The following SPTB variants were observed in gnomAD, a reference collection of about 807,000 sequenced individuals.
SPTB encodes spectrin beta, erythrocytic, also known as spectrin beta chain, erythrocytic.
A neutral mutation model predicts 256.2 loss-of-function variants in SPTB; 45 were observed. The ratio of observed to expected loss-of-function variants is 0.18; its 90% CI spans 0.14 to 0.23. SPTB has a LOEUF of 0.23. SPTB is among the 10% of genes least tolerant of loss of function. The pLI is 1.00. For synonymous variants in SPTB, 1,231 were observed against 1,243.1 expected (o/e 0.99, Z 0.21); for missense variants, 2,715 against 3,040.4 (o/e 0.89, Z 2.52).
At chr14:64,800,025 T>C in intron 8 of SPTB, 91 bp from the exon 9 acceptor site, 3 of 1,489,246 alleles carry the variant, frequency 2.0e-6, no homozygotes, top group Non-Finnish European at 2.8e-6. Flanking sequence ...TGCCACGAAA[T>C]GGGGCTCCCA....
intron 1 of SPTB, among the ~76,000 whole-genome samples, chr14:64,878,240 A>G (rs547637686): frequency 2.0e-4 from 30 of 152,238 alleles, no homozygotes; most frequent in South Asian, 6.2e-4. Flanking sequence ...TAAATGACCC[A>G]CCTCTGGAGT....
intron 1 of SPTB, among the ~76,000 whole-genome samples, chr14:64,849,037 T>C (rs1048591234): frequency 2.0e-5 from 3 of 152,200 alleles, no homozygotes; most frequent in Non-Finnish European, 2.9e-5. Flanking sequence ...TGAAAGAAGA[T>C]TTTTTTAAAT....
chr14:64,836,203 C>G (rs2083519420), intron 1 of SPTB, among the ~76,000 whole-genome samples: 1 of 152,186 alleles, frequency 6.6e-6, no homozygotes, highest in African/African-American at 2.4e-5. Context: ...GTGGAAGGAA[C>G]CAAATGTCCT....
At chr14:64,879,257 CG>C (rs1175839993) in intron 1 of SPTB, among the ~76,000 whole-genome samples, 1 of 152,226 alleles carries the variant, frequency 6.6e-6, no homozygotes, top group Non-Finnish European at 1.5e-5. Context: ...CCCGGAGGCC[CG>C]GCCCCCTCTG....
In SPTB at chr14:64,794,516, G is replaced by A. The variant is rs766762166; in HGVS notation, c.1746C>T (p.Asp582=). Residue 582 remains aspartate (D), a synonymous_variant, in exon 13 of 36, where the codon GAC becomes GAT. Transcript: ENST00000644917. The stretch of plus-strand genomic sequence containing the variant: ...TGGCTGCGGTGATGGCCTTCACTTT[G>A]TCCCCTTGGATGGCGATGTCAGCTT... ...LMEADIAIQG[D]KVKAITAATL... The A allele has an allele frequency of 9.9e-6, 16 of 1,614,060 alleles. No homozygotes were observed. Among genetic ancestry groups the A allele is most frequent in the Admixed American group, 5.0e-5 (3 of 60,012 alleles).
rs2082407821 is a variant in SPTB at position 64,778,714 on chromosome 14, C to T, written c.4563+443G>A. Among the ~76,000 whole-genome samples, 1 of 152,162 alleles carries T rather than the reference C, an allele frequency of 6.6e-6. No individual in the cohort carries two copies. The highest frequency in any genetic ancestry group is 2.4e-5 in the African/African-American group (1 of 41,434). On this transcript the variant is annotated intron_variant, in intron 22 of 35. Coordinates refer to ENST00000644917, the MANE Select transcript of SPTB (RefSeq NM_001355436.2). The surrounding 1 kb of genome is among the most constrained non-coding windows in gnomAD (Gnocchi z 5.2). ...CCTCATATGTCGAGAGAAATGGGGCCTACTTACCCCAAGGACACCACACAT... is the reference window on the plus strand; with the variant it reads ...CCTCATATGTCGAGAGAAATGGGGCTTACTTACCCCAAGGACACCACACAT...
At position 64,841,826 on chromosome 14, in the gene SPTB, G is replaced by A. The variant is rs1041640882; in HGVS notation, c.-51-18681C>T. 1.3e-5 allele frequency among the ~76,000 whole-genome samples: 2 copies of A among 152,162 alleles called. No individual in the cohort carries two copies. Among genetic ancestry groups the A allele is most frequent in the African/African-American group, 4.8e-5 (2 of 41,414 alleles). ...CAAAAGAAGGGAAACCCCCGCGTAT[G>A]GAACCAGAAGAGGGTTTCTTGCAGA... On this transcript the variant is annotated intron_variant, in intron 1 of 35. Coordinates refer to ENST00000644917, the MANE Select transcript of SPTB (RefSeq NM_001355436.2). This position sits in a 1 kb window ranked among gnomAD's most constrained non-coding sequence, Gnocchi z 4.6.
At chr14:64,803,001 G>A (rs1476050974) in intron 4 of SPTB, among the ~76,000 whole-genome samples, 1 of 152,114 alleles carries the variant, frequency 6.6e-6, no homozygotes, top group Non-Finnish European at 1.5e-5. Context: ...TCAATGTTAT[G>A]CACCCATGGA....
At chr14:64,867,164 C>G (rs1429912853) in intron 1 of SPTB, among the ~76,000 whole-genome samples, 1 of 152,180 alleles carries the variant, frequency 6.6e-6, no homozygotes, top group African/African-American at 2.4e-5. Flanking sequence ...TAAAGCAATC[C>G]TCTTCCCTCC....
rs779282753 is a variant in SPTB, at chr14:64,786,468, T to C, written c.3497A>G (p.Gln1166Arg). ...CTGGAACTCCTGGAAGCCAAGGCAC[T>C]GAGCGAGGGTGTGGCTGCGGCTCTC... ...MWESRSHTLA[Q>R]CLGFQEFQKD... The change falls in exon 16 of 36, where the codon CAG (glutamine) becomes CGG (arginine). Residue 1166 changes from glutamine (Q) to arginine (R), a missense_variant. This residue lies in a region of SPTB where 2,239 missense variants were observed against 2,384.4 expected (regional missense o/e 0.94). Coordinates refer to ENST00000644917, the MANE Select transcript of SPTB (RefSeq NM_001355436.2). This position sits in a 1 kb window ranked among gnomAD's most constrained non-coding sequence, Gnocchi z 5.6. 19 of 1,614,052 alleles carry C rather than the reference T, an allele frequency of 1.2e-5. No homozygotes were observed. Among genetic ancestry groups the C allele is most frequent in the African/African-American group, 2.7e-5 (2 of 74,946 alleles).
At chr14:64,755,211 A>G (rs1449644138) in intron 32 of SPTB, 1 of 152,296 alleles carries the variant, frequency 6.6e-6, no homozygotes, top group African/African-American at 2.4e-5. Flanking sequence ...CCTTTAGACT[A>G]TGGGGCAAAC....
chr14:64,870,586 G>A (rs901059243), intron 1 of SPTB, among the ~76,000 whole-genome samples: 2 of 152,264 alleles, frequency 1.3e-5, no homozygotes, highest in South Asian at 2.1e-4. Context: ...CTTTGATGAC[G>A]AACTATCACC....
At chr14:64,813,677 C>T (rs562140327) in intron 2 of SPTB, among the ~76,000 whole-genome samples, 29 of 152,334 alleles carry the variant, frequency 1.9e-4, no homozygotes, top group African/African-American at 6.5e-4. Flanking sequence ...CAAGCGCCAC[C>T]ACGCCCAGCT....
At chr14:64,765,931 T>TATGTGTGTGGGTGTGAGTGTGTGG (rs2082169270) in intron 32 of SPTB, among the ~76,000 whole-genome samples, 1 of 145,678 alleles carries the variant, frequency 6.9e-6, no homozygotes, top group Non-Finnish European at 1.5e-5. Flanking sequence ...TATGAGTGTG[T>TATGTGTGTGGGTGTGAGTGTGTGG]ATGTGTGTGG....
Position 64,779,356 on chromosome 14 carries a change from C to T in SPTB, c.4474-110G>A, listed in dbSNP as rs2082422923. ...TGCTGGCAGTGTCTCCCCAGTTCCT[C>T]CCAACACCCCATCAGGGTTTTGCCC... is the stretch of plus-strand genomic sequence containing the variant. On this transcript the variant is annotated intron_variant, in intron 21 of 35. Transcript: ENST00000644917. This position sits in a 1 kb window ranked among gnomAD's most constrained non-coding sequence, Gnocchi z 4.2. The T allele has an allele frequency of 3.4e-6, 3 of 877,542 alleles. No homozygotes were observed. The South Asian group carries it at 4.3e-5, about 13-fold the overall frequency. 54.4% of individuals were successfully genotyped at this position (877,542 alleles called of 1,614,324 possible). A position where few individuals can be genotyped will look rare whatever the true frequency, so the allele number is the denominator to read the frequency against.
Position 64,775,869 on chromosome 14 carries a change from G to A in SPTB, c.4564-466C>T, listed in dbSNP as rs1470628914. 6.6e-6 allele frequency among the ~76,000 whole-genome samples: 1 copy of A among 152,218 alleles called. No individual in the cohort carries two copies. Among genetic ancestry groups the A allele is most frequent in the African/African-American group, 2.4e-5 (1 of 41,450 alleles). ...AGGATACGCCCAACCCAGCAGCTCA[G>A]GTGGGCACAGTTTTTGCCTTCCATC... On this transcript the variant is annotated intron_variant, in intron 22 of 35. Coordinates refer to ENST00000644917, the MANE Select transcript of SPTB (RefSeq NM_001355436.2). This position sits in a 1 kb window ranked among gnomAD's most constrained non-coding sequence, Gnocchi z 5.0.
At position 64,803,088 on chromosome 14, in the gene SPTB, C is replaced by T. The variant is rs114696116; in HGVS notation, c.474+519G>A. Among the ~76,000 whole-genome samples, 1,261 of 152,210 alleles carry T rather than the reference C, an allele frequency of 8.3e-3. 24 individuals are homozygous for T. The highest frequency in any genetic ancestry group is 0.029 in the African/African-American group (1,186 of 41,518). The stretch of plus-strand genomic sequence containing the variant: ...TTGTATGCTCTCTTCTTTCTCCTGC[C>T]CTCACCTCCTTGGGCAAGGTTCTTT... On this transcript the variant is annotated intron_variant, in intron 4 of 35. Transcript: ENST00000644917.
rs755502079 is a variant in SPTB at position 64,772,826 on chromosome 14, G to T, written c.5307C>A (p.Ala1769=). 1 of 1,613,840 alleles carries T rather than the reference G, an allele frequency of 6.2e-7. No homozygotes were observed. Among genetic ancestry groups the T allele is most frequent in the Non-Finnish European group, 8.5e-7 (1 of 1,179,976 alleles). The part of the protein sequence containing the change: ...DAGHSEAATI[A]EWKDGLNEMW... ...TCTCGTTCAGCCCGTCCTTCCACTC[G>T]GCGATGGTGGCCGCCTCGCTGTGGC... Residue 1769 remains alanine (A), a synonymous_variant, in exon 26 of 36, where the codon GCC becomes GCA. Coordinates refer to ENST00000644917, the MANE Select transcript of SPTB (RefSeq NM_001355436.2). The surrounding 1 kb of genome is among the most constrained non-coding windows in gnomAD (Gnocchi z 5.4).
At chr14:64,761,079 G>A (rs1039040805) in intron 32 of SPTB, among the ~76,000 whole-genome samples, 3 of 152,210 alleles carry the variant, frequency 2.0e-5, no homozygotes, top group Admixed American at 6.5e-5. Context: ...AAGACCCCCT[G>A]CTAGATGCCT....
Sources: allele counts gnomAD v4.1 joint callset (sites outside exome capture counted in the v4.1 genomes callset), GRCh38; gene constraint gnomAD v4.1.1; regional missense constraint gnomAD v4.1.1; non-coding constraint Gnocchi (gnomAD v3.1); transcripts MANE v1.5; gene names NCBI Gene and HGNC (gene_info 2026-07-23, HGNC 2026-07-21).